Variants in KIAA0930 observed in about 807,000 individuals in gnomAD.
The protein encoded by KIAA0930 is KIAA0930, also known as uncharacterized protein KIAA0930.
KIAA0930 carries 24 observed loss-of-function variants against 43.9 expected under a neutral mutation model. That is an observed-to-expected ratio of 0.55 (90% confidence interval 0.40 to 0.77). The LOEUF is 0.77. Among genes scored for constraint, KIAA0930 ranks in the 30% least tolerant of loss-of-function variants. The pLI is 0.00. For missense variants in KIAA0930, 461 were observed against 574.2 expected, an observed-to-expected ratio of 0.80 and a Z score of 2.02; for synonymous variants, 259 against 216.4, an observed-to-expected ratio of 1.20 and a Z score of -1.73.
At chr22:45,205,402 C>T in intron 4 of KIAA0930, 84 bp from the exon 5 acceptor site, 4 of 1,235,998 alleles carry the variant, frequency 3.2e-6, no homozygotes, top group Non-Finnish European at 4.7e-6. Flanking sequence ...ATAGGGAGGC[C>T]ACCCGGCCCA....
intron 1 of KIAA0930, among the ~76,000 whole-genome samples, chr22:45,233,659 G>A (rs2083868360): frequency 6.6e-6 from 1 of 152,024 alleles, no homozygotes. Flanking sequence ...CAGGACGCTG[G>A]GAGGGTGGGC....
chr22:45,206,245 G>A (rs1482714598), intron 2 of KIAA0930, among the ~76,000 whole-genome samples: 2 of 152,138 alleles, frequency 1.3e-5, no homozygotes, highest in Non-Finnish European at 2.9e-5. Flanking sequence ...TTGAACTCCT[G>A]GGCTCAGGTG....
chr22:45,230,181 G>A (rs2083843493), intron 1 of KIAA0930, among the ~76,000 whole-genome samples: 1 of 152,216 alleles, frequency 6.6e-6, no homozygotes, highest in South Asian at 2.1e-4. Flanking sequence ...TGAGGGGCAA[G>A]GGAGGGCTGA....
At chr22:45,229,407 G>A (rs1009423589) in intron 1 of KIAA0930, among the ~76,000 whole-genome samples, 1 of 113,722 alleles carries the variant, frequency 8.8e-6, no homozygotes, top group Admixed American at 9.4e-5. Flanking sequence ...ACTCCCAGGG[G>A]CCTGCGCCCA....
At chr22:45,222,373 T>C (rs2083772499) in intron 1 of KIAA0930, among the ~76,000 whole-genome samples, 1 of 152,162 alleles carries the variant, frequency 6.6e-6, no homozygotes, top group Non-Finnish European at 1.5e-5. Flanking sequence ...TGGAGTCCAG[T>C]AGCACAATCA....
Position 45,203,200 on chromosome 22 carries a change from G to T in KIAA0930, c.658-16C>A. On this transcript the variant is annotated splice_polypyrimidine_tract_variant and intron_variant, in intron 6 of 9. Coordinates refer to ENST00000336156, the MANE Select transcript of KIAA0930 (RefSeq NM_001009880.2). ...CCACGCTCACCTGGGGGCCGGCGCG[G>T]GGCAGCCTGAGTCAGGGAGGTGGCG... 6.3e-7 allele frequency: 1 copy of T among 1,576,210 alleles called. No homozygotes were observed. The highest frequency in any genetic ancestry group is 1.2e-5 in the South Asian group (1 of 85,230).
At chr22:45,207,391 T>C (rs1310838205) in intron 2 of KIAA0930, among the ~76,000 whole-genome samples, 1 of 151,088 alleles carries the variant, frequency 6.6e-6, no homozygotes, top group Admixed American at 6.6e-5. Flanking sequence ...GGCACAATCT[T>C]GGCTCACTGC....
intron 1 of KIAA0930, among the ~76,000 whole-genome samples, chr22:45,215,630 T>C (rs944926135): frequency 6.6e-6 from 1 of 152,176 alleles, no homozygotes; most frequent in Non-Finnish European, 1.5e-5. Flanking sequence ...AAACGATGGC[T>C]ATAAAGACTA....
chr22:45,212,038 G>A lies in KIAA0930; in HGVS notation c.134C>T (p.Ala45Val). ...GAAAAGCATGTCGTCCTGCCGGGGAGCCCATTTCTCCATGAAGTAGGTGGA... is the reference window on the plus strand; with the variant it reads ...GAAAAGCATGTCGTCCTGCCGGGGAACCCATTTCTCCATGAAGTAGGTGGA... Reference protein sequence around the residue: ...MFSTYFMEKWAPRQDDMLFYV... With the variant: ...MFSTYFMEKWVPRQDDMLFYV... The change falls in exon 2 of 10, where the codon GCT (alanine) becomes GTT (valine). Residue 45 changes from alanine to valine, a missense_variant. Transcript: ENST00000336156. 1 of 1,613,864 alleles carries A rather than the reference G, an allele frequency of 6.2e-7. No individual in the cohort carries two copies. The highest frequency in any genetic ancestry group is 2.2e-5 in the East Asian group (1 of 44,880).
chr22:45,206,636 A>G (rs2083640541), intron 2 of KIAA0930, among the ~76,000 whole-genome samples: 1 of 152,254 alleles, frequency 6.6e-6, no homozygotes, highest in Admixed American at 6.5e-5. Context: ...CTGAAGATCA[A>G]TAATAAATAC....
chr22:45,223,801 C>CAGCACCCAGGATCAGCACCAGATG (rs1173719841), intron 1 of KIAA0930, among the ~76,000 whole-genome samples: 4 of 147,360 alleles, frequency 2.7e-5, no homozygotes, highest in Admixed American at 6.7e-5. Context: ...AGCACTGAGA[C>CAGCACCCAGGATCAGCACCAGATG]AGCACCCAGG....
Position 45,205,211 on chromosome 22 carries a change from G to C in KIAA0930, c.516+6C>G, listed in dbSNP as rs914035201. On this transcript the variant is annotated splice_donor_region_variant and intron_variant, in intron 5 of 9. Transcript: ENST00000336156. ...GCTAAGGAGAGAGGCCCTGTGCAGA[G>C]CTCACCTCCTCGAAGCTGTCAATCA... The C allele has an allele frequency of 6.2e-7, 1 of 1,608,964 alleles. No individual in the cohort carries two copies. Among genetic ancestry groups the C allele is most frequent in the Non-Finnish European group, 8.5e-7 (1 of 1,175,260 alleles).
intron 7 of KIAA0930, chr22:45,202,485 CG>C (rs1421481876): frequency 6.5e-6 from 1 of 153,266 alleles, no homozygotes; most frequent in African/African-American, 2.4e-5. Flanking sequence ...CTACAAACCG[CG>C]GGGCAAAGAG....
chr22:45,194,050 ATCTTTTTTTTTTTTTTTT>A lies in KIAA0930; in HGVS notation c.*3108_*3125del, dbSNP rs2083514294. 7.2e-5 allele frequency: 3 copies of A among 41,618 alleles called. No homozygotes were observed. Among genetic ancestry groups the A allele is most frequent in the Admixed American group, 3.0e-4 (1 of 3,366 alleles). 2.6% of individuals were successfully genotyped at this position (41,618 alleles called of 1,614,324 possible). On this transcript the variant is annotated 3_prime_UTR_variant, in exon 10 of 10. Transcript: ENST00000336156. ...GGGGTTTGGGTTTAAAGACCAATGT[ATCTTTTTTTTTTTTTTTT>A]TTTTTTTTTTTTTTTTTTTTTTTGA...
chr22:45,218,207 G>A (rs954614226), intron 1 of KIAA0930, among the ~76,000 whole-genome samples: 16 of 152,022 alleles, frequency 1.1e-4, no homozygotes, highest in Non-Finnish European at 2.1e-4. Flanking sequence ...GCTCAGGCTG[G>A]AGTGCAATGG....
In KIAA0930 at chr22:45,238,568, T is replaced by G. The variant is rs1358704258; in HGVS notation, c.64+2072A>C. Among the ~76,000 whole-genome samples the G allele has an allele frequency of 2.6e-5, 4 of 152,134 alleles. No homozygotes were observed. In the East Asian group the frequency reaches 7.7e-4, roughly 29 times the overall value. ...GGAGAGGCAACACTGGAGCTGAGACTTAAAGGAAAACTTAGAGATGCTTGT... is the reference window on the plus strand; with the variant it reads ...GGAGAGGCAACACTGGAGCTGAGACGTAAAGGAAAACTTAGAGATGCTTGT... On this transcript the variant is annotated intron_variant, in intron 1 of 9. Transcript: ENST00000336156.
intron 1 of KIAA0930, among the ~76,000 whole-genome samples, chr22:45,219,061 G>C (rs931433588): frequency 6.6e-5 from 10 of 152,108 alleles, no homozygotes; most frequent in Middle Eastern, 3.2e-3. Flanking sequence ...TTTATCTTTC[G>C]AGGCATTTCA....
rs556260566 is a variant in KIAA0930, at chr22:45,227,444, C to T, written c.64+13196G>A. ...GGCCCACCCAGGAAAAAAAGGGCAT[C>T]GAACATCCTTCTCTGGAGAAAGGGA... On this transcript the variant is annotated intron_variant, in intron 1 of 9. Coordinates refer to ENST00000336156, the MANE Select transcript of KIAA0930 (RefSeq NM_001009880.2). 2.6e-5 allele frequency among the ~76,000 whole-genome samples: 4 copies of T among 152,288 alleles called. No homozygotes were observed. In the East Asian group the frequency reaches 5.8e-4, roughly 22 times the overall value.
chr22:45,203,792 G>T, intron 6 of KIAA0930, 53 bp downstream of exon 6: 1 of 1,583,020 alleles, frequency 6.3e-7, no homozygotes. Context: ...GTGGGCTGTG[G>T]AGCCGCCGTC....
Sources: gnomAD v4.1 joint callset for allele counts (sites outside exome capture counted in the v4.1 genomes callset) on GRCh38, gnomAD v4.1.1 for gene constraint, MANE v1.5 for transcripts, NCBI Gene and HGNC (gene_info 2026-07-23, HGNC 2026-07-21) for gene names.